The following CORIN variants were observed in gnomAD, a reference collection of about 807,000 sequenced individuals.
CORIN encodes atrial natriuretic peptide-converting enzyme.
A neutral mutation model predicts 125.3 loss-of-function variants in CORIN; 117 were observed. The observed-to-expected ratio is 0.93, with a 90% CI of 0.80 to 1.09. CORIN has a LOEUF of 1.09. Ranked by LOEUF, CORIN falls within the 50% of genes least tolerant of loss-of-function variation. The pLI is 0.00. For synonymous variants in CORIN, 450 were observed against 466.4 expected, an observed-to-expected ratio of 0.96 and a Z score of 0.45; for missense variants, 1,253 against 1,306.7, an observed-to-expected ratio of 0.96 and a Z score of 0.63.
At chr4:47,609,386 C>T (rs1296179570) in intron 19 of CORIN, among the ~76,000 whole-genome samples, 1 of 152,054 alleles carries the variant, frequency 6.6e-6, no homozygotes, top group Non-Finnish European at 1.5e-5. Flanking sequence ...ATTACAGGCA[C>T]CCGCCACCAT....
intron 19 of CORIN, among the ~76,000 whole-genome samples, chr4:47,611,095 T>C (rs762083001): frequency 4.6e-5 from 7 of 152,238 alleles, no homozygotes; most frequent in African/African-American, 9.6e-5. Flanking sequence ...TTTGGTTTCA[T>C]ATGAATTTTA....
chr4:47,683,680 T>G, intron 7 of CORIN, 51 bp downstream of exon 7: 2 of 1,378,668 alleles, frequency 1.5e-6, no homozygotes, highest in Non-Finnish European at 2.0e-6. Context: ...TTTTTGGTTA[T>G]AAATTTCTAT....
At chr4:47,616,272 A>T in intron 19 of CORIN, among the ~76,000 whole-genome samples, 1 of 152,126 alleles carries the variant, frequency 6.6e-6, no homozygotes, top group Admixed American at 6.5e-5. Context: ...ATTAATATTC[A>T]CATACTTTAT....
chr4:47,644,735 C>T (rs1723390357), intron 14 of CORIN, among the ~76,000 whole-genome samples: 1 of 152,008 alleles, frequency 6.6e-6, no homozygotes, highest in African/African-American at 2.4e-5. Context: ...CAACTAATGA[C>T]ATATAATGAA....
At chr4:47,602,481 A>C (rs925401711) in intron 20 of CORIN, among the ~76,000 whole-genome samples, 1 of 152,226 alleles carries the variant, frequency 6.6e-6, no homozygotes, top group African/African-American at 2.4e-5. Flanking sequence ...AAGGATTTAT[A>C]GTTTGTACTA....
At chr4:47,628,342 T>C (rs1047559227) in intron 16 of CORIN, among the ~76,000 whole-genome samples, 3 of 152,104 alleles carry the variant, frequency 2.0e-5, no homozygotes, top group Admixed American at 6.6e-5. Context: ...AAATTGTACA[T>C]ATTTAAGGGG....
intron 4 of CORIN, among the ~76,000 whole-genome samples, chr4:47,756,859 T>G (rs2109858272): frequency 6.6e-6 from 1 of 152,322 alleles, no homozygotes; most frequent in Admixed American, 6.5e-5. Context: ...AATTAGCCTG[T>G]TTTGCAGTAC....
At position 47,626,390 on chromosome 4, in the gene CORIN, T is replaced by G; in HGVS notation, c.2315+15A>C. 1 of 1,400,328 alleles carries G rather than the reference T, an allele frequency of 7.1e-7. No homozygotes were observed. Among genetic ancestry groups the G allele is most frequent in the Non-Finnish European group, 1.0e-6 (1 of 984,884 alleles). 86.7% of individuals were successfully genotyped at this position (1,400,328 alleles called of 1,614,324 possible). The stretch of plus-strand genomic sequence containing the variant: ...GTAATCTGACTCTACACAGCTCTTA[T>G]GAATGCATTCTTACCCATTTACTAG... On this transcript the variant is annotated intron_variant, in intron 17 of 21. Coordinates refer to ENST00000273857, the MANE Select transcript of CORIN (RefSeq NM_006587.4).
In CORIN at chr4:47,833,486, C is replaced by T. The variant is rs187896724; in HGVS notation, c.63+4401G>A. Among the ~76,000 whole-genome samples the T allele has an allele frequency of 9.4e-5, 13 of 138,006 alleles. No individual in the cohort carries two copies. The East Asian group carries it at 1.1e-3, about 11-fold the overall frequency. 90.5% of individuals were successfully genotyped at this position (138,006 alleles called of 152,430 possible). ...AGGAAAATCTTGACATTGATCTCGGCGATAATTTCTTGGATACGACACCAA... is the reference window on the plus strand; with the variant it reads ...AGGAAAATCTTGACATTGATCTCGGTGATAATTTCTTGGATACGACACCAA... On this transcript the variant is annotated intron_variant, in intron 1 of 21. Coordinates refer to ENST00000273857, the MANE Select transcript of CORIN (RefSeq NM_006587.4).
intron 3 of CORIN, among the ~76,000 whole-genome samples, chr4:47,772,575 T>C (rs1277074586): frequency 6.6e-6 from 1 of 152,226 alleles, no homozygotes; most frequent in Non-Finnish European, 1.5e-5. Flanking sequence ...CTATACATAA[T>C]ATGGTGGTTC....
rs1731028083 is a variant in CORIN, at chr4:47,790,433, A to T, written c.209-3508T>A. Among the ~76,000 whole-genome samples, 3 of 152,086 alleles carry T rather than the reference A, an allele frequency of 2.0e-5. No individual in the cohort carries two copies. In the South Asian group the frequency reaches 6.2e-4, roughly 32 times the overall value. On this transcript the variant is annotated intron_variant, in intron 2 of 21. Coordinates refer to ENST00000273857, the MANE Select transcript of CORIN (RefSeq NM_006587.4). Reference sequence around the variant, plus strand: ...CAGGAAACTGGCTAGCAGGACTGTCATTTTGCTGAGAGTCCCTGTTTCCCT... The same window carrying T: ...CAGGAAACTGGCTAGCAGGACTGTCTTTTTGCTGAGAGTCCCTGTTTCCCT...
intron 3 of CORIN, among the ~76,000 whole-genome samples, chr4:47,767,521 T>TA (rs1182166767): frequency 6.6e-6 from 1 of 152,092 alleles, no homozygotes; most frequent in African/African-American, 2.4e-5. Context: ...AAGAGAACTT[T>TA]AAAAAAATCA....
At chr4:47,711,642 G>T (rs1040811504) in intron 5 of CORIN, among the ~76,000 whole-genome samples, 1 of 152,164 alleles carries the variant, frequency 6.6e-6, no homozygotes, top group Non-Finnish European at 1.5e-5. Context: ...TGGATCTCTT[G>T]CTTAACAGAG....
At chr4:47,664,194 T>G (rs574399121) in intron 11 of CORIN, among the ~76,000 whole-genome samples, 2 of 152,300 alleles carry the variant, frequency 1.3e-5, no homozygotes, top group South Asian at 4.1e-4. Flanking sequence ...ATCCTGTATA[T>G]GCAAACCCTC....
At chr4:47,688,339 C>A (rs1480830025) in intron 6 of CORIN, among the ~76,000 whole-genome samples, 1 of 152,182 alleles carries the variant, frequency 6.6e-6, no homozygotes, top group Non-Finnish European at 1.5e-5. Context: ...GTGGTTCACG[C>A]CGGTAATCCT....
In CORIN at chr4:47,642,872, T is replaced by C. The variant is rs1008744801; in HGVS notation, c.2068+274A>G. 1.2e-5 allele frequency: 17 copies of C among 1,460,946 alleles called. No individual in the cohort carries two copies. In the Admixed American group the frequency reaches 1.3e-4, roughly 11 times the overall value. The allele number at this position is 1,460,946 out of a possible 1,614,324, so 90.5% of individuals were successfully genotyped here. A position where few individuals can be genotyped will look rare whatever the true frequency, so the allele number is the denominator to read the frequency against. On this transcript the variant is annotated intron_variant, in intron 15 of 21. Coordinates refer to ENST00000273857, the MANE Select transcript of CORIN (RefSeq NM_006587.4). ...AAGTTGGGTTTTAATGAAGAGTTTTTAAATCCTCTCCCAGCAATTATATGA... is the reference window on the plus strand; with the variant it reads ...AAGTTGGGTTTTAATGAAGAGTTTTCAAATCCTCTCCCAGCAATTATATGA...
intron 16 of CORIN, among the ~76,000 whole-genome samples, chr4:47,630,264 A>G (rs1420659233): frequency 5.9e-5 from 9 of 152,228 alleles, no homozygotes; most frequent in African/African-American, 2.4e-5. Context: ...GAATAATAGT[A>G]ATATACATGC....
chr4:47,802,712 A>C (rs1358451670), intron 2 of CORIN, among the ~76,000 whole-genome samples: 1 of 152,222 alleles, frequency 6.6e-6, no homozygotes, highest in African/African-American at 2.4e-5. Context: ...GAGGGACACA[A>C]ACCTGGCTGG....
intron 1 of CORIN, among the ~76,000 whole-genome samples, chr4:47,823,955 C>A (rs1732630104): frequency 6.6e-6 from 1 of 152,204 alleles, no homozygotes; most frequent in African/African-American, 2.4e-5. Context: ...TGCTGGCCAC[C>A]TGTCCTTGTT....
Sources: allele counts gnomAD v4.1 joint callset (sites outside exome capture counted in the v4.1 genomes callset), GRCh38; gene constraint gnomAD v4.1.1; transcripts MANE v1.5; gene names NCBI Gene and HGNC (gene_info 2026-07-23, HGNC 2026-07-21).